The following LRP1B variants were observed in gnomAD, a reference collection of about 807,000 sequenced individuals.
The protein encoded by LRP1B is LDL receptor related protein 1B.
A neutral mutation model predicts 556.6 loss-of-function variants in LRP1B; 217 were observed. The ratio of observed to expected loss-of-function variants is 0.39; its 90% CI spans 0.35 to 0.44. The LOEUF is 0.44. Among genes scored for constraint, LRP1B ranks in the 20% least tolerant of loss-of-function variants. LRP1B has a pLI of 1.00. For missense variants in LRP1B, 5,053 were observed against 5,620.8 expected (o/e 0.90, Z 3.23); for synonymous variants, 2,047 against 1,865.8 (o/e 1.10, Z -2.50).
At chr2:140,780,521 G>A (rs1172736113) in intron 32 of LRP1B, among the ~76,000 whole-genome samples, 3 of 152,070 alleles carry the variant, frequency 2.0e-5, no homozygotes, top group Non-Finnish European at 4.4e-5. Context: ...TTTTTATTTG[G>A]ACCACCCCTA....
At chr2:141,075,470 T>G (rs1699762301) in intron 7 of LRP1B, among the ~76,000 whole-genome samples, 1 of 152,158 alleles carries the variant, frequency 6.6e-6, no homozygotes, top group African/African-American at 2.4e-5. Context: ...TTTTGGCATA[T>G]TTTCATGACC....
chr2:141,641,355 T>A (rs1689326225), intron 2 of LRP1B, among the ~76,000 whole-genome samples: 1 of 152,068 alleles, frequency 6.6e-6, no homozygotes, highest in African/African-American at 2.4e-5. Flanking sequence ...TCCCCAACAT[T>A]GATATAAAGA....
chr2:140,585,538 T>C (rs1160054521), intron 43 of LRP1B, among the ~76,000 whole-genome samples: 1 of 152,140 alleles, frequency 6.6e-6, no homozygotes, highest in Non-Finnish European at 1.5e-5. Flanking sequence ...TGGCTGATCT[T>C]AGAGTTGGAA....
chr2:141,530,197 C>T (rs1479789569), intron 2 of LRP1B, among the ~76,000 whole-genome samples: 1 of 152,080 alleles, frequency 6.6e-6, no homozygotes, highest in South Asian at 2.1e-4. Flanking sequence ...GTGGTGGCTG[C>T]TGGTATAGGT....
chr2:141,080,926 C>A (rs1558846861), intron 7 of LRP1B, among the ~76,000 whole-genome samples: 1 of 152,180 alleles, frequency 6.6e-6, no homozygotes, highest in East Asian at 1.9e-4. Context: ...GCATACCCAC[C>A]TTGTATAGGC....
chr2:141,994,291 G>A (rs1254420081), intron 1 of LRP1B, among the ~76,000 whole-genome samples: 2 of 152,068 alleles, frequency 1.3e-5, no homozygotes, highest in Non-Finnish European at 2.9e-5. Flanking sequence ...AATGGCCTTA[G>A]GTGCATTCTG....
chr2:141,514,253 G>A (rs1684230294), intron 2 of LRP1B, among the ~76,000 whole-genome samples: 1 of 152,170 alleles, frequency 6.6e-6, no homozygotes, highest in Non-Finnish European at 1.5e-5. Flanking sequence ...CCTACCAGTT[G>A]GAACTCCCCA....
At chr2:141,622,602 A>T (rs1688542969) in intron 2 of LRP1B, among the ~76,000 whole-genome samples, 1 of 152,202 alleles carries the variant, frequency 6.6e-6, no homozygotes, top group South Asian at 2.1e-4. Flanking sequence ...CTATTCCAGG[A>T]CTATGTAAGA....
intron 1 of LRP1B, among the ~76,000 whole-genome samples, chr2:141,812,914 T>A (rs1013686085): frequency 1.3e-5 from 2 of 151,944 alleles, no homozygotes; most frequent in Non-Finnish European, 2.9e-5. Context: ...GATGGCATCA[T>A]AAAACTTATG....
At chr2:140,751,926 T>C (rs1688593179) in intron 35 of LRP1B, among the ~76,000 whole-genome samples, 1 of 152,154 alleles carries the variant, frequency 6.6e-6, no homozygotes, top group Admixed American at 6.5e-5. Flanking sequence ...ATGTAGGATA[T>C]ATATACGCAG....
chr2:141,145,816 AGCCACTGC>A (rs1701768703), intron 7 of LRP1B, among the ~76,000 whole-genome samples: 1 of 151,864 alleles, frequency 6.6e-6, no homozygotes, highest in Non-Finnish European at 1.5e-5. Context: ...TACAGGCATG[AGCCACTGC>A]GCCCAGATGG....
chr2:141,793,969 T>C (rs1211115952), intron 2 of LRP1B, among the ~76,000 whole-genome samples: 1 of 152,016 alleles, frequency 6.6e-6, no homozygotes, highest in African/African-American at 2.4e-5. Flanking sequence ...ATGGATCTAA[T>C]TGTGGGAGTT....
intron 2 of LRP1B, among the ~76,000 whole-genome samples, chr2:141,806,482 C>T (rs546358769): frequency 6.6e-6 from 1 of 152,076 alleles, no homozygotes; most frequent in African/African-American, 2.4e-5. Flanking sequence ...TTACCATATA[C>T]AATGGTAAGA....
intron 84 of LRP1B, among the ~76,000 whole-genome samples, chr2:140,285,246 T>A (rs1683095200): frequency 6.6e-6 from 1 of 150,424 alleles, no homozygotes; most frequent in Non-Finnish European, 1.5e-5. Flanking sequence ...TATCTACACA[T>A]ATATATACAT....
intron 1 of LRP1B, among the ~76,000 whole-genome samples, chr2:142,003,108 C>A (rs1228481083): frequency 6.6e-6 from 1 of 152,210 alleles, no homozygotes; most frequent in African/African-American, 2.4e-5. Flanking sequence ...GGTTTTATAA[C>A]TCTCTGTATG....
chr2:140,624,892 T>G (rs781207962), intron 41 of LRP1B, among the ~76,000 whole-genome samples: 2 of 152,240 alleles, frequency 1.3e-5, no homozygotes, highest in Non-Finnish European at 2.9e-5. Context: ...AAGGGGCAAA[T>G]TGCATATTCC....
chr2:142,086,390 A>G (rs930118857), intron 1 of LRP1B, among the ~76,000 whole-genome samples: 4 of 152,152 alleles, frequency 2.6e-5, no homozygotes, highest in African/African-American at 9.7e-5. Flanking sequence ...TGGACGGATC[A>G]CGAGGTCCAG....
At position 140,356,427 on chromosome 2, in the gene LRP1B, A is replaced by G. The variant is rs775995715; in HGVS notation, c.11445T>C (p.Asp3815=). The G allele has an allele frequency of 6.2e-7, 1 of 1,608,706 alleles. No individual in the cohort carries two copies. The highest frequency in any genetic ancestry group is 8.5e-7 in the Non-Finnish European group (1 of 1,175,824). Residue 3815 remains aspartate (D), a synonymous_variant, in exon 75 of 91, where the codon GAT becomes GAC. Transcript: ENST00000389484. The part of the protein sequence containing the change: ...CEDNVNPCGD[D]AYCNQIKTSV... ...ATGTTTTTATTTGATTACAATATGC[A>G]TCATCTCCACATGGATTCACATTAT...
rs1392957780 is a variant in LRP1B at position 140,516,795 on chromosome 2, T to C, written c.8149+94A>G. 4 of 1,119,222 alleles carry C rather than the reference T, an allele frequency of 3.6e-6. No individual in the cohort carries two copies. The East Asian group carries it at 1.0e-4, about 28-fold the overall frequency. 69.3% of individuals were successfully genotyped at this position (1,119,222 alleles called of 1,614,324 possible). On this transcript the variant is annotated intron_variant, in intron 50 of 90. Transcript: ENST00000389484. ...AATGAAAATTAATGTTAAAATCAGC[T>C]GACAATGTTTTGTATAAAATCCCTA...
Sources: gnomAD v4.1 joint callset for allele counts (sites outside exome capture counted in the v4.1 genomes callset) on GRCh38, gnomAD v4.1.1 for gene constraint, MANE v1.5 for transcripts, NCBI Gene and HGNC (gene_info 2026-07-23, HGNC 2026-07-21) for gene names.